TMEM272: variants seen among roughly 807,000 people sequenced by gnomAD.
TMEM272 encodes the protein long intergenic non-protein coding RNA 282.
A neutral mutation model predicts 3.7 loss-of-function variants in TMEM272; 8 were observed. The observed-to-expected ratio is 2.17, with a 90% CI of 1.27 to 3.91. The LOEUF (loss-of-function observed/expected upper bound fraction) is 3.91, where lower values mean the gene tolerates loss of function less well. TMEM272 is among the 30% of genes most tolerant of loss of function. The pLI is 0.00. For synonymous variants in TMEM272, 63 were observed against 39.8 expected, an observed-to-expected ratio of 1.58 and a Z score of -2.20; for missense variants, 166 against 91.5, an observed-to-expected ratio of 1.81 and a Z score of -3.32.
Position 51,816,801 on chromosome 13 carries a change from C to T in TMEM272, c.514G>A (p.Gly172Ser), listed in dbSNP as rs183466750. The T allele has an allele frequency of 3.1e-4, 217 of 702,898 alleles. 1 individual carries two copies. The East Asian group carries it at 3.9e-3, about 13-fold the overall frequency. The allele number at this position is 702,898 out of a possible 1,614,324, so 43.5% of individuals were successfully genotyped here. A position where few individuals can be genotyped will look rare whatever the true frequency, so the allele number is the denominator to read the frequency against. Residue 172 changes from glycine (G) to serine (S), a missense_variant, in exon 5 of 5, where the codon GGC becomes AGC. Coordinates refer to ENST00000629372, the MANE Select transcript of TMEM272 (RefSeq NM_001351003.2). ...TVLVLLLLCSGCVYLCSRWRL... is the reference protein window; with the variant it reads ...TVLVLLLLCSSCVYLCSRWRL... ...CACCTGGAGCACAGGTAGACACAGC[C>T]GCTGCACAGCAGGAGCAAGACCAGC...
chr13:51,923,889 T>A, the TMEM272 span, among the ~76,000 whole-genome samples: 1 of 151,874 alleles, frequency 6.6e-6, no homozygotes, highest in Admixed American at 6.6e-5. Context: ...CAAGAGAAAA[T>A]CTCACCCACA....
At chr13:51,879,612 G>A in the TMEM272 span, among the ~76,000 whole-genome samples, 1 of 152,124 alleles carries the variant, frequency 6.6e-6, no homozygotes, top group Non-Finnish European at 1.5e-5. Flanking sequence ...CTATATAAAG[G>A]CAAATGAAAA....
At position 51,816,782 on chromosome 13, in the gene TMEM272, G is replaced by C; in HGVS notation, c.533C>G (p.Ser178Cys). The C allele has an allele frequency of 1.4e-6, 1 of 701,244 alleles. No individual in the cohort carries two copies. The highest frequency in any genetic ancestry group is 1.5e-5 in the South Asian group (1 of 67,568). The allele number at this position is 701,244 out of a possible 1,614,324, so 43.4% of individuals were successfully genotyped here. A position where few individuals can be genotyped will look rare whatever the true frequency, so the allele number is the denominator to read the frequency against. Reference protein sequence around the residue: ...LLCSGCVYLCSRWRLAADED With the variant: ...LLCSGCVYLCCRWRLAADED ...TTCATCGGCAGCAAGTCTCCACCTGGAGCACAGGTAGACACAGCCGCTGCA... is the reference window on the plus strand; with the variant it reads ...TTCATCGGCAGCAAGTCTCCACCTGCAGCACAGGTAGACACAGCCGCTGCA... Residue 178 changes from serine (S) to cysteine (C), a missense_variant, in exon 5 of 5, where the codon TCC becomes TGC. By Grantham distance (112) the Ser-to-Cys change is moderately radical. Transcript: ENST00000629372.
the TMEM272 span, among the ~76,000 whole-genome samples, chr13:51,889,006 A>AT: frequency 6.6e-6 from 1 of 151,970 alleles, no homozygotes; most frequent in African/African-American, 2.4e-5. Flanking sequence ...TTTCATCATG[A>AT]TTTTTTTAAC....
intron 3 of TMEM272, among the ~76,000 whole-genome samples, chr13:51,824,692 C>T (rs1956108275): frequency 6.6e-6 from 1 of 152,228 alleles, no homozygotes; most frequent in Non-Finnish European, 1.5e-5. Flanking sequence ...GTGGCTCATG[C>T]CTGTCATCCC....
At chr13:51,925,347 T>TA in the TMEM272 span, among the ~76,000 whole-genome samples, 1 of 152,224 alleles carries the variant, frequency 6.6e-6, no homozygotes, top group African/African-American at 2.4e-5. Flanking sequence ...ATTGCCATCT[T>TA]ACATCATCAG....
intron 1 of TMEM272, among the ~76,000 whole-genome samples, 154 bp downstream of exon 1, chr13:51,844,862 C>T (rs965364624): frequency 6.6e-6 from 1 of 152,240 alleles, no homozygotes; most frequent in Non-Finnish European, 1.5e-5. Context: ...TTCGTTCCCT[C>T]CACACAATTA....
chr13:51,903,848 C>T, the TMEM272 span, among the ~76,000 whole-genome samples: 1 of 152,042 alleles, frequency 6.6e-6, no homozygotes, highest in African/African-American at 2.4e-5. Flanking sequence ...ATAGGGTCTT[C>T]TGCTCTGGCA....
chr13:51,852,634 C>T, the TMEM272 span, among the ~76,000 whole-genome samples: 1 of 152,090 alleles, frequency 6.6e-6, no homozygotes, highest in African/African-American at 2.4e-5. Flanking sequence ...AATCCCAGGA[C>T]TTTGGGAGGC....
At chr13:51,908,798 T>G in the TMEM272 span, 7 of 1,439,730 alleles carry the variant, frequency 4.9e-6, no homozygotes, top group South Asian at 1.1e-5. Flanking sequence ...GATATGATTG[T>G]CCTGGTGGAG....
At chr13:51,855,550 A>G in the TMEM272 span, among the ~76,000 whole-genome samples, 2 of 152,220 alleles carry the variant, frequency 1.3e-5, no homozygotes, top group African/African-American at 4.8e-5. Flanking sequence ...AATAAATGGA[A>G]TTAAAAATCA....
chr13:51,866,147 C>T, the TMEM272 span: 2 of 1,300,914 alleles, frequency 1.5e-6, no homozygotes, highest in South Asian at 1.6e-5. Flanking sequence ...CCAGGGTGAG[C>T]CCATGTGCTG....
chr13:51,891,596 C>A, the TMEM272 span, among the ~76,000 whole-genome samples: 2 of 152,146 alleles, frequency 1.3e-5, no homozygotes, highest in African/African-American at 4.8e-5. Context: ...GCTCCTATGC[C>A]CAACTGAAGC....
chr13:51,884,525 G>A, the TMEM272 span, among the ~76,000 whole-genome samples: 1 of 152,220 alleles, frequency 6.6e-6, no homozygotes, highest in African/African-American at 2.4e-5. Context: ...GGTACAGCCT[G>A]ACAATTAAAA....
At chr13:51,865,860 A>G in the TMEM272 span, 1 of 1,613,632 alleles carries the variant, frequency 6.2e-7, no homozygotes, top group African/African-American at 1.3e-5. Flanking sequence ...GAGGAAGAAA[A>G]GGCCCTGTGG....
the TMEM272 span, among the ~76,000 whole-genome samples, chr13:51,894,513 T>C: frequency 7.2e-5 from 11 of 152,218 alleles, no homozygotes; most frequent in African/African-American, 2.4e-4. Context: ...GAGGCGATGG[T>C]GGTTGGCTGG....
chr13:51,870,252 G>GT, the TMEM272 span, among the ~76,000 whole-genome samples: 11 of 151,654 alleles, frequency 7.3e-5, no homozygotes, highest in South Asian at 4.2e-4. Context: ...AAGTTCTTTG[G>GT]TTTTTTTTGT....
At position 51,817,121 on chromosome 13, in the gene TMEM272, G is replaced by A. The variant is rs777007131; in HGVS notation, c.202-8C>T. On this transcript the variant is annotated splice_polypyrimidine_tract_variant and splice_region_variant and intron_variant, in intron 4 of 4. Coordinates refer to ENST00000629372, the MANE Select transcript of TMEM272 (RefSeq NM_001351003.2). ...GTACAACAGGAGAGACACCTGGGGC[G>A]TGGTGGGGAGCCAGGGTGGCAAGGC... The A allele has an allele frequency of 3.4e-5, 24 of 696,862 alleles. No homozygotes were observed. The highest frequency in any genetic ancestry group is 1.1e-4 in the East Asian group (4 of 37,150). The allele number at this position is 696,862 out of a possible 1,614,324, so 43.2% of individuals were successfully genotyped here.
the TMEM272 span, among the ~76,000 whole-genome samples, chr13:51,858,849 C>G: frequency 7.9e-4 from 121 of 152,274 alleles, no homozygotes; most frequent in Admixed American, 3.7e-3. Flanking sequence ...CTCCTTCCCC[C>G]CTGCAAACAG....
Sources: allele counts gnomAD v4.1 joint callset (sites outside exome capture counted in the v4.1 genomes callset), GRCh38; gene constraint gnomAD v4.1.1; transcripts MANE v1.5; gene names NCBI Gene and HGNC (gene_info 2026-07-23, HGNC 2026-07-21).